ASTN2: variants seen among roughly 807,000 people sequenced by gnomAD.
The protein encoded by ASTN2 is astrotactin-2.
In ASTN2, 54 loss-of-function variants were observed where a neutral mutation model predicts 139.8. The ratio of observed to expected loss-of-function variants is 0.39; its 90% confidence interval spans 0.31 to 0.48. The LOEUF (loss-of-function observed/expected upper bound fraction) is 0.48. Ranked by LOEUF, ASTN2 falls within the 20% of genes least tolerant of loss-of-function variation. The probability of loss-of-function intolerance (pLI) is 0.95; values close to 1 mark genes in which losing one functional copy is unlikely to be tolerated. For synonymous variants in ASTN2, 756 were observed against 719.5 expected (o/e 1.05, Z -0.81); for missense variants, 1,565 against 1,725.1 (o/e 0.91, Z 1.64).
chr9:116,469,169 T>C (rs1225544671), intron 20 of ASTN2, among the ~76,000 whole-genome samples: 4 of 152,096 alleles, frequency 2.6e-5, no homozygotes, highest in African/African-American at 7.2e-5. Context: ...CAAAAACTAA[T>C]AGAATAAACA....
At chr9:117,137,579 C>T (rs1348621843) in intron 4 of ASTN2, among the ~76,000 whole-genome samples, 1 of 152,134 alleles carries the variant, frequency 6.6e-6, no homozygotes, top group Admixed American at 6.5e-5. Flanking sequence ...TTGCAGTCAA[C>T]ATAGTATCAA....
intron 12 of ASTN2, 56 bp downstream of exon 12, chr9:116,820,561 C>T (rs1831457522): frequency 6.4e-7 from 1 of 1,568,652 alleles, no homozygotes; most frequent in African/African-American, 1.3e-5. Context: ...ATCATTTTCC[C>T]ATGCATCCCT....
chr9:117,322,013 G>T (rs553801973), intron 1 of ASTN2, among the ~76,000 whole-genome samples: 2 of 152,166 alleles, frequency 1.3e-5, no homozygotes, highest in East Asian at 3.9e-4. Context: ...AAAAGCCATG[G>T]TGTCTTTCAC....
chr9:117,306,277 T>C (rs1018390578), intron 1 of ASTN2, among the ~76,000 whole-genome samples: 1 of 152,152 alleles, frequency 6.6e-6, no homozygotes, highest in Non-Finnish European at 1.5e-5. Context: ...TTGTGGAAGC[T>C]TTTGGGCATA....
intron 11 of ASTN2, among the ~76,000 whole-genome samples, chr9:116,858,571 A>C (rs1832800147): frequency 6.6e-6 from 1 of 152,224 alleles, no homozygotes; most frequent in Admixed American, 6.5e-5. Flanking sequence ...ACTGCCACAC[A>C]GAATAAATGG....
At chr9:117,057,251 A>C (rs908827030) in intron 5 of ASTN2, among the ~76,000 whole-genome samples, 1 of 152,154 alleles carries the variant, frequency 6.6e-6, no homozygotes, top group African/African-American at 2.4e-5. Flanking sequence ...ATCCCTGTGC[A>C]TTTATAAAAA....
chr9:116,911,393 G>A (rs558309284), intron 10 of ASTN2, among the ~76,000 whole-genome samples: 21 of 152,134 alleles, frequency 1.4e-4, no homozygotes, highest in Admixed American at 3.9e-4. Context: ...AACAAATGAA[G>A]ACTGAAAAAC....
intron 1 of ASTN2, among the ~76,000 whole-genome samples, chr9:117,297,357 C>T (rs1248795400): frequency 1.3e-5 from 2 of 152,326 alleles, no homozygotes; most frequent in African/African-American, 2.4e-5. Context: ...TTCCAGCATT[C>T]ATGGGTGATT....
At chr9:116,515,450 T>C (rs1850603843) in intron 19 of ASTN2, among the ~76,000 whole-genome samples, 1 of 152,170 alleles carries the variant, frequency 6.6e-6, no homozygotes, top group Non-Finnish European at 1.5e-5. Flanking sequence ...TGTCAGGATA[T>C]GTGGCTAGAA....
At chr9:116,672,253 C>A (rs1859241884) in intron 16 of ASTN2, among the ~76,000 whole-genome samples, 1 of 151,652 alleles carries the variant, frequency 6.6e-6, no homozygotes, top group Non-Finnish European at 1.5e-5. Flanking sequence ...GTAGTCCCAG[C>A]TACTTGGGGG....
intron 17 of ASTN2, 148 bp from the exon 18 acceptor site, chr9:116,620,591 C>T (rs1856090430): frequency 4.0e-6 from 4 of 1,004,612 alleles, no homozygotes; most frequent in African/African-American, 1.6e-5. Flanking sequence ...AAGTTCCTTG[C>T]ACTCTACTAT....
chr9:116,469,694 T>C (rs1428501738), intron 20 of ASTN2, among the ~76,000 whole-genome samples: 1 of 152,222 alleles, frequency 6.6e-6, no homozygotes, highest in African/African-American at 2.4e-5. Context: ...ATATATTCAC[T>C]TATGTATACA....
chr9:117,289,957 C>A (rs942185936), intron 2 of ASTN2, among the ~76,000 whole-genome samples: 13 of 152,174 alleles, frequency 8.5e-5, no homozygotes, highest in African/African-American at 3.1e-4. Flanking sequence ...AGATCTTACT[C>A]AGCCCTAATC....
chr9:117,390,239 G>A (rs140084965), intron 1 of ASTN2, among the ~76,000 whole-genome samples: 61 of 152,228 alleles, frequency 4.0e-4, no homozygotes, highest in African/African-American at 1.4e-3. Flanking sequence ...AAAGTACAGA[G>A]AATTCCAATA....
chr9:117,360,458 C>CA (rs1413493442), intron 1 of ASTN2, among the ~76,000 whole-genome samples: 2 of 151,894 alleles, frequency 1.3e-5, no homozygotes, highest in African/African-American at 2.4e-5. Flanking sequence ...GAGATCCAGG[C>CA]AAAAAAGTGG....
At chr9:116,938,419 C>T (rs564255987) in intron 10 of ASTN2, among the ~76,000 whole-genome samples, 3 of 152,292 alleles carry the variant, frequency 2.0e-5, no homozygotes, top group African/African-American at 4.8e-5. Flanking sequence ...AAATCATGCA[C>T]CTCCAGTTCC....
intron 16 of ASTN2, among the ~76,000 whole-genome samples, chr9:116,696,902 A>G (rs1422469347): frequency 6.7e-6 from 1 of 148,426 alleles, no homozygotes; most frequent in African/African-American, 2.5e-5. Flanking sequence ...GCTTCTGTGG[A>G]TGATTCCTAG....
intron 19 of ASTN2, among the ~76,000 whole-genome samples, chr9:116,607,457 T>C (rs1855264783): frequency 6.6e-6 from 1 of 152,124 alleles, no homozygotes; most frequent in Non-Finnish European, 1.5e-5. Context: ...ATCTTCTGAA[T>C]GGCTACAGGA....
intron 16 of ASTN2, among the ~76,000 whole-genome samples, chr9:116,712,310 T>C (rs1236420529): frequency 1.3e-5 from 2 of 152,184 alleles, no homozygotes; most frequent in Non-Finnish European, 2.9e-5. Context: ...AGCCAGGTGT[T>C]CATGCCACAC....
Sources: allele counts gnomAD v4.1 joint callset (sites outside exome capture counted in the v4.1 genomes callset), GRCh38; gene constraint gnomAD v4.1.1; transcripts MANE v1.5; gene names NCBI Gene and HGNC (gene_info 2026-07-23, HGNC 2026-07-21).